The following EPM2A variants were observed in gnomAD, a reference collection of about 807,000 sequenced individuals.
EPM2A encodes the protein EPM2A glucan phosphatase, laforin, also known as laforin.
A neutral mutation model predicts 26.5 loss-of-function variants in EPM2A; 21 were observed. The ratio of observed to expected loss-of-function variants is 0.79; its 90% confidence interval spans 0.56 to 1.14. The LOEUF is 1.14. Among genes scored for constraint, EPM2A ranks in the 50% most tolerant of loss-of-function variants. The pLI is 0.00. For synonymous variants in EPM2A, 217 were observed against 177.6 expected, an observed-to-expected ratio of 1.22 and a Z score of -1.76; for missense variants, 458 against 440.8, an observed-to-expected ratio of 1.04 and a Z score of -0.35.
At chr6:145,485,804 G>A (rs1174201444) in intron 4 of EPM2A, among the ~76,000 whole-genome samples, 16 of 152,116 alleles carry the variant, frequency 1.1e-4, no homozygotes, top group South Asian at 6.2e-4. Flanking sequence ...GGGAAGCCTC[G>A]CAATCATGAT....
chr6:145,724,334 C>T (rs890231595), intron 1 of EPM2A, among the ~76,000 whole-genome samples: 1 of 152,030 alleles, frequency 6.6e-6, no homozygotes, highest in African/African-American at 2.4e-5. Flanking sequence ...ACTAAATATA[C>T]TATTTAAAAT....
chr6:145,478,923 T>C (rs1582786973), intron 4 of EPM2A, among the ~76,000 whole-genome samples: 1 of 151,802 alleles, frequency 6.6e-6, no homozygotes, highest in Admixed American at 6.6e-5. Flanking sequence ...AGTTTCTTTG[T>C]ATGTTATACT....
intron 2 of EPM2A, among the ~76,000 whole-genome samples, chr6:145,559,690 T>A (rs1461378125): frequency 1.2e-3 from 137 of 118,928 alleles, no homozygotes; most frequent in African/African-American, 3.3e-3. Context: ...TTTTTTTTTT[T>A]TTAAAATGGT....
intron 4 of EPM2A, among the ~76,000 whole-genome samples, chr6:145,444,536 A>T (rs2114703562): frequency 6.6e-6 from 1 of 152,234 alleles, no homozygotes; most frequent in Middle Eastern, 3.4e-3. Flanking sequence ...ATTGTCCTGA[A>T]GTTTTCTTGT....
At chr6:145,733,694 G>A (rs1776632100) in intron 1 of EPM2A, among the ~76,000 whole-genome samples, 1 of 151,638 alleles carries the variant, frequency 6.6e-6, no homozygotes, top group Admixed American at 6.6e-5. Flanking sequence ...AACTGAAGAG[G>A]GTATCTTTCA....
At chr6:145,570,288 T>A (rs979568667) in intron 2 of EPM2A, among the ~76,000 whole-genome samples, 1 of 152,046 alleles carries the variant, frequency 6.6e-6, no homozygotes, top group Non-Finnish European at 1.5e-5. Context: ...CCCATATACA[T>A]CTCCTGAGAT....
Position 145,614,681 on chromosome 6 carries a change from G to A in EPM2A, c.340+20564C>T, listed in dbSNP as rs115060800. On this transcript the variant is annotated intron_variant, in intron 2 of 3. Transcript: ENST00000450221. Reference sequence around the variant, plus strand: ...GGAGAGGGAGATGAGGAAATGGCAAGTCAGTGGGGCAGTCACAACTGCACA... The same window carrying A: ...GGAGAGGGAGATGAGGAAATGGCAAATCAGTGGGGCAGTCACAACTGCACA... Among the ~76,000 whole-genome samples, 399 of 152,326 alleles carry A rather than the reference G, an allele frequency of 2.6e-3. 6 individuals are homozygous for A. The highest frequency in any genetic ancestry group is 9.2e-3 in the African/African-American group (381 of 41,564).
chr6:145,680,615 C>T (rs1411844030), intron 2 of EPM2A, among the ~76,000 whole-genome samples: 2 of 149,356 alleles, frequency 1.3e-5, no homozygotes, highest in Admixed American at 6.7e-5. Context: ...TTGTTCAATT[C>T]CCACCTATGA....
intron 4 of EPM2A, chr6:145,489,524 T>A (rs1263693248): frequency 1.6e-6 from 1 of 613,668 alleles, no homozygotes; most frequent in African/African-American, 1.9e-5. Context: ...CAACAACAAA[T>A]AGCTTAACTT....
At chr6:145,543,423 A>G (rs1044261689) in intron 2 of EPM2A, among the ~76,000 whole-genome samples, 2 of 152,164 alleles carry the variant, frequency 1.3e-5, no homozygotes, top group Non-Finnish European at 2.9e-5. Flanking sequence ...TCTTGATGGA[A>G]GTCACCCAAA....
chr6:145,594,204 C>T (rs2128548541), intron 2 of EPM2A, among the ~76,000 whole-genome samples: 1 of 151,804 alleles, frequency 6.6e-6, no homozygotes, highest in African/African-American at 2.4e-5. Context: ...AATACCAAAG[C>T]TCACACAAGG....
chr6:145,717,132 C>T (rs894631123), intron 1 of EPM2A, among the ~76,000 whole-genome samples: 8 of 152,088 alleles, frequency 5.3e-5, no homozygotes, highest in East Asian at 1.9e-4. Flanking sequence ...CCAGCATCAT[C>T]CTGATACCAA....
chr6:145,439,911 G>C (rs79973061), intron 4 of EPM2A, among the ~76,000 whole-genome samples: 1 of 152,152 alleles, frequency 6.6e-6, no homozygotes, highest in East Asian at 1.9e-4. Flanking sequence ...GTCCAAAATT[G>C]TATGTCCTAC....
intron 3 of EPM2A, among the ~76,000 whole-genome samples, chr6:145,632,601 T>C (rs1242306797): frequency 6.6e-6 from 1 of 152,182 alleles, no homozygotes; most frequent in Non-Finnish European, 1.5e-5. Context: ...TAAGGATCGA[T>C]CACACGATTG....
chr6:145,667,846 G>A (rs973760715), intron 2 of EPM2A, among the ~76,000 whole-genome samples: 3 of 149,506 alleles, frequency 2.0e-5, no homozygotes, highest in Non-Finnish European at 4.4e-5. Flanking sequence ...AAAAAATGAT[G>A]AGTTCATGTC....
At chr6:145,698,211 G>T (rs1035197585) in intron 1 of EPM2A, among the ~76,000 whole-genome samples, 1 of 152,168 alleles carries the variant, frequency 6.6e-6, no homozygotes, top group African/African-American at 2.4e-5. Context: ...TCATTCAAAT[G>T]CTTATGAGAA....
At chr6:145,450,050 G>A (rs184083957) in intron 4 of EPM2A, among the ~76,000 whole-genome samples, 2 of 151,838 alleles carry the variant, frequency 1.3e-5, no homozygotes, top group African/African-American at 4.8e-5. Flanking sequence ...GTCTTAAAGA[G>A]GATGTAGAAA....
At chr6:145,681,373 C>T (rs1370761208) in intron 2 of EPM2A, among the ~76,000 whole-genome samples, 3 of 151,358 alleles carry the variant, frequency 2.0e-5, no homozygotes, top group Non-Finnish European at 4.4e-5. Context: ...GTTTCTTTTG[C>T]TGTGCAGAAG....
chr6:145,392,224 C>T (rs1639221106), intron 4 of EPM2A, among the ~76,000 whole-genome samples: 1 of 152,162 alleles, frequency 6.6e-6, no homozygotes, highest in African/African-American at 2.4e-5. Flanking sequence ...CTCTCAATAG[C>T]AGTGTGAGAC....
Sources: gnomAD v4.1 joint callset for allele counts (sites outside exome capture counted in the v4.1 genomes callset) on GRCh38, gnomAD v4.1.1 for gene constraint, MANE v1.5 for transcripts, NCBI Gene and HGNC (gene_info 2026-07-23, HGNC 2026-07-21) for gene names.